Variants in MYO1C observed in about 807,000 individuals in gnomAD.
The protein encoded by MYO1C is unconventional myosin-Ic.
In MYO1C, 104 loss-of-function variants were observed where a neutral mutation model predicts 150.8. The observed-to-expected ratio is 0.69, with a 90% CI of 0.59 to 0.81. MYO1C has a LOEUF of 0.81. Among genes scored for constraint, MYO1C ranks in the 30% least tolerant of loss-of-function variants. The pLI is 0.00. For synonymous variants in MYO1C, 663 were observed against 579.9 expected (o/e 1.14, Z -2.06); for missense variants, 1,504 against 1,435.0 (o/e 1.05, Z -0.78).
intron 29 of MYO1C, 130 bp downstream of exon 29, chr17:1,467,709 AC>A: frequency 6.5e-6 from 3 of 459,132 alleles, no homozygotes; most frequent in Non-Finnish European, 9.8e-6. Context: ...CCACCTCCTG[AC>A]CCCCCAATCT....
Position 1,478,374 on chromosome 17 carries a change from G to A in MYO1C, c.1295+36C>T, listed in dbSNP as rs752908311. 14 of 1,611,574 alleles carry A rather than the reference G, an allele frequency of 8.7e-6. No individual in the cohort carries two copies. In the South Asian group the frequency reaches 1.2e-4, roughly 14 times the overall value. ...ACAGAAGAGAGGGAGCAGGACAGGA[G>A]ACCGGGAGGAGAGACGGGGGAAAGA... On this transcript the variant is annotated intron_variant, in intron 11 of 31. Transcript: ENST00000648651. The surrounding 1 kb of genome is among the most constrained non-coding windows in gnomAD (Gnocchi z 6.3).
rs1053403226 is a variant in MYO1C at position 1,478,499 on chromosome 17, C to T, written c.1213-7G>A. ...AGCTGGGGCTCTCCACGTCCTAGGG[C>T]AGTCATTCAACCGAAGGCGTGGGCC... On this transcript the variant is annotated splice_region_variant and splice_polypyrimidine_tract_variant and intron_variant, in intron 10 of 31. Transcript: ENST00000648651. The surrounding 1 kb of genome is among the most constrained non-coding windows in gnomAD (Gnocchi z 6.3). The T allele has an allele frequency of 6.2e-7, 1 of 1,614,126 alleles. No homozygotes were observed. The highest frequency in any genetic ancestry group is 2.2e-5 in the East Asian group (1 of 44,888).
chr17:1,469,438 G>GGGTCAATACGGTAGAACGC, intron 25 of MYO1C, 93 bp downstream of exon 25: 1 of 1,190,494 alleles, frequency 8.4e-7, no homozygotes, highest in Non-Finnish European at 1.2e-6. Flanking sequence ...CGGTAGACCG[G>GGGTCAATACGGTAGAACGC]GGTAAATGCC....
intron 1 of MYO1C, chr17:1,484,684 A>C (rs546146560): frequency 2.0e-4 from 81 of 411,096 alleles, no homozygotes; most frequent in South Asian, 1.7e-3. Flanking sequence ...AACTCCTTGA[A>C]ATAGCAGAAA....
intron 31 of MYO1C, 67 bp downstream of exon 31, chr17:1,467,175 C>T: frequency 6.8e-6 from 10 of 1,465,924 alleles, no homozygotes; most frequent in Non-Finnish European, 9.3e-6. Context: ...TGGGCTCTGC[C>T]AAGCACAGCC....
chr17:1,484,856 AGGGT>A (rs2074617850), intron 1 of MYO1C, among the ~76,000 whole-genome samples: 1 of 152,058 alleles, frequency 6.6e-6, no homozygotes, highest in Non-Finnish European at 1.5e-5. Flanking sequence ...TTCTGCAGGC[AGGGT>A]GGGGCCGTCT....
chr17:1,470,539 T>C lies in MYO1C; in HGVS notation c.2282-20A>G, dbSNP rs773683089. On this transcript the variant is annotated intron_variant, in intron 22 of 31. Transcript: ENST00000648651. ...AGATGGCTGTCGTGGAGACCACAGA[T>C]GGCTGAACTCTATCTTCTTACCATG... 2.6e-6 allele frequency: 4 copies of C among 1,557,590 alleles called. No homozygotes were observed. The African/African-American group carries it at 4.1e-5, about 16-fold the overall frequency.
chr17:1,467,319 C>T lies in MYO1C; in HGVS notation c.3088G>A (p.Gly1030Ser), dbSNP rs757200452. Residue 1030 changes from glycine to serine, a missense_variant, in exon 31 of 32, where the codon GGC becomes AGC. Physicochemically the swap from Gly to Ser is moderately conservative, Grantham distance 56 (BLOSUM62 0). Transcript: ENST00000648651. ...GTGAAGTCAATGGTGCCATCCCTGC[C>T]GGGGCCCCCTGCAAACGTGATGCTG... ...QGSITFAGGP[G>S]RDGTIDFTPG... is the part of the protein sequence containing the mutation. 6.2e-6 allele frequency: 10 copies of T among 1,613,234 alleles called. No individual in the cohort carries two copies. The highest frequency in any genetic ancestry group is 2.2e-5 in the East Asian group (1 of 44,886).
rs539401695 is a variant in MYO1C at position 1,482,262 on chromosome 17, G to A, written c.627+216C>T. Among the ~76,000 whole-genome samples, 14 of 151,936 alleles carry A rather than the reference G, an allele frequency of 9.2e-5. No individual in the cohort carries two copies. In the South Asian group the frequency reaches 1.5e-3, roughly 16 times the overall value. On this transcript the variant is annotated intron_variant, in intron 5 of 31. Transcript: ENST00000648651. ...TTCTCAGTGAGGCCTACCCTAATAC[G>A]ACCGCACCTGCCCCCCACTCCTTAC...
intron 31 of MYO1C, among the ~76,000 whole-genome samples, chr17:1,466,424 G>A (rs760247379): frequency 2.0e-5 from 3 of 152,034 alleles, no homozygotes; most frequent in African/African-American, 7.2e-5. Context: ...TCCACCTCCC[G>A]GGTTTAAGCG....
rs1567518235 is a variant in MYO1C at position 1,471,265 on chromosome 17, A to G, written c.2093T>C (p.Val698Ala). 8.1e-6 allele frequency: 13 copies of G among 1,613,836 alleles called. No homozygotes were observed. Among genetic ancestry groups the G allele is most frequent in the Non-Finnish European group, 1.1e-5 (13 of 1,180,002 alleles). Residue 698 changes from valine to alanine, a missense_variant, in exon 20 of 32, where the codon GTC becomes GCC. Coordinates refer to ENST00000648651, the MANE Select transcript of MYO1C (RefSeq NM_001080779.2). ...GRPQDGVAVL[V>A]RHLGYKPEEY... ...TTCTGGCTTGTAGCCCAGGTGTCGG[A>G]CCAGCACAGCCACCCCATCCTGCGG...
intron 14 of MYO1C, among the ~76,000 whole-genome samples, chr17:1,475,358 G>A (rs2074383401): frequency 6.6e-6 from 1 of 152,102 alleles, no homozygotes; most frequent in African/African-American, 2.4e-5. Flanking sequence ...GGCAGAGGTT[G>A]CAGTGAGCCG....
chr17:1,483,942 T>G lies in MYO1C; in HGVS notation c.231+206A>C, dbSNP rs191620060. ...CTGTAATCCCAGCTACTCGGGAGGCTGAGGCAGGAGAATCGCTTGAACCCG... is the reference window on the plus strand; with the variant it reads ...CTGTAATCCCAGCTACTCGGGAGGCGGAGGCAGGAGAATCGCTTGAACCCG... On this transcript the variant is annotated intron_variant, in intron 2 of 31. Transcript: ENST00000648651. Among the ~76,000 whole-genome samples the G allele has an allele frequency of 3.1e-3, 470 of 151,670 alleles. 2 individuals are homozygous for G. The highest frequency in any genetic ancestry group is 0.011 in the African/African-American group (442 of 41,278).
chr17:1,476,569 A>G (rs2074406340), intron 14 of MYO1C, among the ~76,000 whole-genome samples: 1 of 152,212 alleles, frequency 6.6e-6, no homozygotes, highest in Non-Finnish European at 1.5e-5. Context: ...AACCCAGATG[A>G]GAGCTAATTT....
intron 21 of MYO1C, 64 bp from the exon 22 acceptor site, chr17:1,470,753 T>C (rs1476809193): frequency 1.3e-6 from 2 of 1,511,856 alleles, no homozygotes; most frequent in African/African-American, 1.4e-5. Flanking sequence ...CCTGGTGCCG[T>C]GTGCGCTCCA....
chr17:1,483,556 G>T, intron 3 of MYO1C, 54 bp downstream of exon 3: 5 of 1,337,984 alleles, frequency 3.7e-6, no homozygotes, highest in South Asian at 1.2e-5. Context: ...GTTGGGCGGG[G>T]TCACCTCAGA....
In MYO1C at chr17:1,471,086, G is replaced by T. The variant is rs770803144; in HGVS notation, c.2197C>A (p.Arg733=). The T allele has an allele frequency of 1.2e-6, 2 of 1,614,108 alleles. No homozygotes were observed. The highest frequency in any genetic ancestry group is 1.7e-6 in the Non-Finnish European group (2 of 1,179,984). The change falls in exon 21 of 32, where the codon CGG becomes AGG. Residue 733 remains arginine, a synonymous_variant. Transcript: ENST00000648651. ...TCTCTCTCACCCAGGCTCTGCCGCC[G>T]GACCTCCAGGGCATCCTCTGTGGCA... The part of the protein sequence containing the change: ...LFATEDALEV[R]RQSLATKIQA...
rs546077306 is a variant in MYO1C, at chr17:1,467,915, G to C, written c.2897-5C>G. 15 of 1,612,532 alleles carry C rather than the reference G, an allele frequency of 9.3e-6. No homozygotes were observed. Among genetic ancestry groups the C allele is most frequent in the East Asian group, 4.5e-5 (2 of 44,838 alleles). On this transcript the variant is annotated splice_polypyrimidine_tract_variant and splice_region_variant and intron_variant, in intron 28 of 31. Transcript: ENST00000648651. ...TCAGGCTGCTGACAGAGATTCCTGA[G>C]GGGAGAGGGCAAAGGTCAGAGGTCG...
At position 1,483,067 on chromosome 17, in the gene MYO1C, G is replaced by A. The variant is rs763401854; in HGVS notation, c.348-8C>T. On this transcript the variant is annotated splice_region_variant and splice_polypyrimidine_tract_variant and intron_variant, in intron 3 of 31. Transcript: ENST00000648651. ...GTGTCCGCCACGGCAAACCTGGGGC[G>A]GAGGCTCGTCAGGGAGTTTGGGGAG... 6.9e-6 allele frequency: 11 copies of A among 1,592,896 alleles called. No individual in the cohort carries two copies. The highest frequency in any genetic ancestry group is 6.8e-5 in the East Asian group (3 of 44,142).
Sources: allele counts gnomAD v4.1 joint callset (sites outside exome capture counted in the v4.1 genomes callset), GRCh38; gene constraint gnomAD v4.1.1; non-coding constraint Gnocchi (gnomAD v3.1); transcripts MANE v1.5; gene names NCBI Gene and HGNC (gene_info 2026-07-23, HGNC 2026-07-21).